DPP6: variants seen among roughly 807,000 people sequenced by gnomAD.
The protein encoded by DPP6 is dipeptidyl peptidase like 6.
Under a neutral mutation model 122.6 loss-of-function variants are expected in DPP6, and 69 were observed. That is an observed-to-expected ratio of 0.56 (90% CI 0.46 to 0.69). The LOEUF (loss-of-function observed/expected upper bound fraction) is 0.69, where lower values mean the gene tolerates loss of function less well. Among genes scored for constraint, DPP6 ranks in the 30% least tolerant of loss-of-function variants. DPP6 has a pLI of 0.00. For synonymous variants in DPP6, 418 were observed against 433.1 expected (o/e 0.97, Z 0.43); for missense variants, 928 against 1,116.9 (o/e 0.83, Z 2.41).
At chr7:154,175,787 T>TACAA in intron 1 of DPP6, among the ~76,000 whole-genome samples, 1 of 150,412 alleles carries the variant, frequency 6.6e-6, no homozygotes, top group Admixed American at 6.6e-5. Context: ...TGGCACGATC[T>TACAA]CGGCTCACTA....
At chr7:154,195,465 C>T (rs868546668) in intron 1 of DPP6, among the ~76,000 whole-genome samples, 25 of 152,222 alleles carry the variant, frequency 1.6e-4, no homozygotes, top group African/African-American at 5.8e-4. Flanking sequence ...GGCCGGCAGC[C>T]TGTTGGGTAA....
intron 5 of DPP6, among the ~76,000 whole-genome samples, chr7:154,616,468 C>A (rs1195822349): frequency 2.0e-5 from 3 of 152,030 alleles, no homozygotes; most frequent in Non-Finnish European, 4.4e-5. Flanking sequence ...AGGGTAGAAT[C>A]AAAAACAATA....
intron 1 of DPP6, among the ~76,000 whole-genome samples, chr7:154,250,906 G>A (rs1236127465): frequency 6.6e-6 from 1 of 152,136 alleles, no homozygotes; most frequent in Non-Finnish European, 1.5e-5. Context: ...ACAACATCTA[G>A]GAGTATTGAG....
intron 1 of DPP6, among the ~76,000 whole-genome samples, chr7:154,169,598 G>C (rs1797432506): frequency 6.6e-6 from 1 of 152,190 alleles, no homozygotes. Flanking sequence ...TAATGCATTA[G>C]AGGAGTATCT....
intron 1 of DPP6, among the ~76,000 whole-genome samples, chr7:154,153,758 A>C (rs1184777777): frequency 1.3e-5 from 2 of 152,274 alleles, no homozygotes; most frequent in Non-Finnish European, 2.9e-5. Context: ...TACTTGAAGC[A>C]ATAGTCAACA....
chr7:154,464,029 G>A (rs1362800511), intron 2 of DPP6, among the ~76,000 whole-genome samples: 1 of 152,190 alleles, frequency 6.6e-6, no homozygotes, highest in East Asian at 1.9e-4. Context: ...ACCAAGACTT[G>A]CGCAGGAATT....
chr7:153,817,324 T>G, the DPP6 span, among the ~76,000 whole-genome samples: 84 of 145,666 alleles, frequency 5.8e-4, no homozygotes, highest in African/African-American at 2.0e-3. Flanking sequence ...TGTGGCTTGT[T>G]AGAAAATCAG....
the DPP6 span, among the ~76,000 whole-genome samples, chr7:153,860,643 C>T: frequency 5.0e-4 from 46 of 92,544 alleles, no homozygotes; most frequent in South Asian, 0.014. Context: ...AAATCTTGCC[C>T]ATGCCTTCAA....
rs541691080 is a variant in DPP6, at chr7:154,818,933, C to T, written c.1666+11821C>T. ...CTTCAGTAAATGCTACCAGACACCA[C>T]GCAAACCACTCATATTCCTCCTCAG... On this transcript the variant is annotated intron_variant, in intron 16 of 25. Coordinates refer to ENST00000377770, the MANE Select transcript of DPP6 (RefSeq NM_130797.4). Among the ~76,000 whole-genome samples, 28 of 152,300 alleles carry T rather than the reference C, an allele frequency of 1.8e-4. 1 individual carries two copies. The South Asian group carries it at 2.9e-3, about 16-fold the overall frequency.
chr7:154,576,247 C>A (rs1053615884), intron 5 of DPP6, among the ~76,000 whole-genome samples: 1 of 152,086 alleles, frequency 6.6e-6, no homozygotes, highest in African/African-American at 2.4e-5. Context: ...GGCGCATCTC[C>A]GTCTGCGTCC....
At chr7:154,172,782 G>C (rs367820667) in intron 1 of DPP6, among the ~76,000 whole-genome samples, 3 of 151,628 alleles carry the variant, frequency 2.0e-5, no homozygotes, top group African/African-American at 7.3e-5. Flanking sequence ...GTATTTTTTT[G>C]TAGAAAGGGG....
intron 2 of DPP6, among the ~76,000 whole-genome samples, chr7:154,463,555 G>GACC (rs1821518887): frequency 6.6e-6 from 1 of 152,082 alleles, no homozygotes; most frequent in South Asian, 2.1e-4. Context: ...TAGCCCCACA[G>GACC]CTGGGAATGT....
chr7:154,635,123 A>G (rs192765897), intron 5 of DPP6, among the ~76,000 whole-genome samples: 186 of 152,300 alleles, frequency 1.2e-3, no homozygotes, highest in Admixed American at 6.0e-3. Context: ...GTCAAATCCC[A>G]CTTGACTTTA....
At chr7:154,025,461 T>G (rs2129053200) in intron 1 of DPP6, among the ~76,000 whole-genome samples, 1 of 111,650 alleles carries the variant, frequency 9.0e-6, no homozygotes. Context: ...TGTTTTTGTT[T>G]ATTTATGCAA....
intron 2 of DPP6, among the ~76,000 whole-genome samples, chr7:154,469,162 G>T (rs1032777308): frequency 1.3e-5 from 2 of 151,904 alleles, no homozygotes; most frequent in Non-Finnish European, 1.5e-5. Flanking sequence ...AGTAGCTCCT[G>T]GTAGCAGAAA....
At chr7:154,840,760 G>A (rs1375630029) in intron 16 of DPP6, among the ~76,000 whole-genome samples, 1 of 152,050 alleles carries the variant, frequency 6.6e-6, no homozygotes, top group Non-Finnish European at 1.5e-5. Context: ...ATGATCTTGT[G>A]CACTTTTTCA....
At chr7:154,333,240 A>G (rs1007878372) in intron 1 of DPP6, among the ~76,000 whole-genome samples, 1 of 149,288 alleles carries the variant, frequency 6.7e-6, no homozygotes, top group African/African-American at 2.5e-5. Flanking sequence ...GGAAATATAC[A>G]TATTTCTCAG....
chr7:154,878,268 T>TCA (rs140169068), intron 20 of DPP6, among the ~76,000 whole-genome samples: 2 of 151,996 alleles, frequency 1.3e-5, no homozygotes, highest in African/African-American at 2.4e-5. Flanking sequence ...CAAAGGTGTT[T>TCA]CACACACACA....
chr7:154,178,845 G>A (rs1229576087), intron 1 of DPP6, among the ~76,000 whole-genome samples: 1 of 152,188 alleles, frequency 6.6e-6, no homozygotes, highest in Non-Finnish European at 1.5e-5. Context: ...CCTCAGATGG[G>A]GGAGAGAGGA....
Sources: gnomAD v4.1 joint callset for allele counts (sites outside exome capture counted in the v4.1 genomes callset) on GRCh38, gnomAD v4.1.1 for gene constraint, MANE v1.5 for transcripts, NCBI Gene and HGNC (gene_info 2026-07-23, HGNC 2026-07-21) for gene names.